The following AJAP1 variants were observed in gnomAD, a reference collection of about 807,000 sequenced individuals.
AJAP1 encodes the protein adherens junctions associated protein 1.
In AJAP1, 5 loss-of-function variants were observed where a neutral mutation model predicts 35.0. The observed-to-expected ratio is 0.14, with a 90% confidence interval of 0.07 to 0.30. The LOEUF is 0.30. AJAP1 is among the 10% of genes least tolerant of loss of function. AJAP1 has a pLI of 1.00. For synonymous variants in AJAP1, 284 were observed against 249.3 expected (o/e 1.14, Z -1.31); for missense variants, 586 against 571.0 (o/e 1.03, Z -0.27).
chr1:4,746,488 C>T lies in AJAP1; in HGVS notation c.830-23365C>T, dbSNP rs370255990. ...TGATTACTGTAAACATGAGCAATAA[C>T]GGGTGGGACGGGCCCAGCAGAGCAC... On this transcript the variant is annotated intron_variant, in intron 2 of 5. Transcript: ENST00000378191. 1.2e-4 allele frequency among the ~76,000 whole-genome samples: 18 copies of T among 152,156 alleles called. No individual in the cohort carries two copies. In the South Asian group the frequency reaches 2.9e-3, roughly 25 times the overall value.
At chr1:4,743,546 T>TCATC (rs1329476455) in intron 2 of AJAP1, among the ~76,000 whole-genome samples, 2 of 152,172 alleles carry the variant, frequency 1.3e-5, no homozygotes, top group African/African-American at 2.4e-5. Flanking sequence ...GTTCATTCAT[T>TCATC]CATCCATCCA....
intron 3 of AJAP1, among the ~76,000 whole-genome samples, chr1:4,770,695 T>A (rs1323909352): frequency 7.0e-6 from 1 of 142,102 alleles, no homozygotes; most frequent in Non-Finnish European, 1.6e-5. Flanking sequence ...GCCATATGAA[T>A]CAGACAAGGC....
At position 4,728,289 on chromosome 1, in the gene AJAP1, C is replaced by T. The variant is rs111227021; in HGVS notation, c.829+15590C>T. On this transcript the variant is annotated intron_variant, in intron 2 of 5. Coordinates refer to ENST00000378191, the MANE Select transcript of AJAP1 (RefSeq NM_018836.4). ...CTTGGAGAGGAGCCCTGGGCCCCAG[C>T]GGACCCTGGCTGAGCACGGGGCCCT... is the stretch of plus-strand genomic sequence containing the variant. Among the ~76,000 whole-genome samples the T allele has an allele frequency of 7.2e-5, 11 of 152,218 alleles. No individual in the cohort carries two copies. In the South Asian group the frequency reaches 8.3e-4, roughly 11 times the overall value.
intron 2 of AJAP1, among the ~76,000 whole-genome samples, chr1:4,759,205 C>T (rs1641509826): frequency 6.6e-6 from 1 of 152,144 alleles, no homozygotes; most frequent in South Asian, 2.1e-4. Flanking sequence ...TAGACCTGCT[C>T]CTCTTAGATG....
chr1:4,669,161 C>T (rs1338017717), intron 1 of AJAP1, among the ~76,000 whole-genome samples: 1 of 152,166 alleles, frequency 6.6e-6, no homozygotes, highest in African/African-American at 2.4e-5. Context: ...TTCTTTAGTT[C>T]CAAGACCTTT....
intron 2 of AJAP1, among the ~76,000 whole-genome samples, chr1:4,761,355 G>C (rs1439161597): frequency 2.0e-5 from 3 of 152,168 alleles, no homozygotes; most frequent in African/African-American, 4.8e-5. Flanking sequence ...AGTCCCGTCT[G>C]TAACACTCTG....
At chr1:4,708,206 T>A (rs1446082042) in intron 1 of AJAP1, among the ~76,000 whole-genome samples, 1 of 152,034 alleles carries the variant, frequency 6.6e-6, no homozygotes, top group East Asian at 1.9e-4. Flanking sequence ...GACCTCGTGA[T>A]CCTCCCACCT....
intron 2 of AJAP1, among the ~76,000 whole-genome samples, chr1:4,717,021 G>T (rs1640408304): frequency 6.6e-6 from 1 of 152,196 alleles, no homozygotes; most frequent in Admixed American, 6.5e-5. Context: ...CGTCAGATGG[G>T]TCAGAAGTTA....
intron 1 of AJAP1, among the ~76,000 whole-genome samples, chr1:4,683,518 C>T (rs1463551015): frequency 1.3e-5 from 2 of 152,146 alleles, no homozygotes; most frequent in African/African-American, 2.4e-5. Context: ...TCCACTGGGA[C>T]GTTGATATAT....
At position 4,787,604 on chromosome 1, in the gene AJAP1, CA is replaced by C. The variant is rs1461838191; in HGVS notation, c.*5120del. Reference sequence around the variant, plus strand: ...TCCAGCAAGAGTGGAAGCAGAGGGGCAGGGGCAGGGGCAGGATGAGGGCTGC... The same window carrying C: ...TCCAGCAAGAGTGGAAGCAGAGGGGCGGGGCAGGGGCAGGATGAGGGCTGC... On this transcript the variant is annotated 3_prime_UTR_variant, in exon 6 of 6. Coordinates refer to ENST00000378191, the MANE Select transcript of AJAP1 (RefSeq NM_018836.4). 9.2e-6 allele frequency: 4 copies of C among 435,656 alleles called. No homozygotes were observed. The highest frequency in any genetic ancestry group is 8.6e-5 in the African/African-American group (4 of 46,554). The allele number at this position is 435,656 out of a possible 1,614,324, so 27.0% of individuals were successfully genotyped here.
intron 1 of AJAP1, among the ~76,000 whole-genome samples, chr1:4,708,171 T>C (rs903224992): frequency 2.6e-5 from 4 of 151,928 alleles, no homozygotes; most frequent in African/African-American, 9.7e-5. Context: ...TTTCACCATG[T>C]TGTGCAGGAT....
Position 4,786,847 on chromosome 1 carries a change from T to G in AJAP1, c.*4362T>G, listed in dbSNP as rs1315172472. On this transcript the variant is annotated 3_prime_UTR_variant, in exon 6 of 6. Coordinates refer to ENST00000378191, the MANE Select transcript of AJAP1 (RefSeq NM_018836.4). ...GATGGCACCAGGACACACCTTCTTT[T>G]GTCCACCTGTTGACACCATCACCCT... The G allele has an allele frequency of 6.6e-6, 1 of 152,264 alleles. No homozygotes were observed. Among genetic ancestry groups the G allele is most frequent in the African/African-American group, 2.4e-5 (1 of 41,464 alleles). 9.4% of individuals were successfully genotyped at this position (152,264 alleles called of 1,614,324 possible). A position where few individuals can be genotyped will look rare whatever the true frequency, so the allele number is the denominator to read the frequency against.
Position 4,727,971 on chromosome 1 carries a change from C to T in AJAP1, c.829+15272C>T, listed in dbSNP as rs1049356160. On this transcript the variant is annotated intron_variant, in intron 2 of 5. Transcript: ENST00000378191. ...GCACAGCCCAGCCCCAGGTGGTACA[C>T]GGAGCCTCTGAACAGCAGGGCCCTG... Among the ~76,000 whole-genome samples, 15 of 152,328 alleles carry T rather than the reference C, an allele frequency of 9.8e-5. No homozygotes were observed. In the South Asian group the frequency reaches 2.9e-3, roughly 29 times the overall value.
intron 1 of AJAP1, among the ~76,000 whole-genome samples, chr1:4,710,201 C>T (rs543895414): frequency 2.0e-5 from 3 of 152,188 alleles, no homozygotes; most frequent in African/African-American, 7.2e-5. Flanking sequence ...CAGATACACT[C>T]ATACACACTG....
chr1:4,669,751 T>C (rs550714359), intron 1 of AJAP1, among the ~76,000 whole-genome samples: 1 of 152,302 alleles, frequency 6.6e-6, no homozygotes, highest in South Asian at 2.1e-4. Flanking sequence ...AGTACTTCAC[T>C]CCTTTTTATG....
chr1:4,729,006 C>T (rs553565535), intron 2 of AJAP1, among the ~76,000 whole-genome samples: 34 of 152,284 alleles, frequency 2.2e-4, no homozygotes, highest in Admixed American at 1.6e-3. Context: ...ACCCCGAGGA[C>T]GCTGCCCACT....
chr1:4,758,862 G>A (rs3753717), intron 2 of AJAP1, among the ~76,000 whole-genome samples: 2,545 of 152,250 alleles, frequency 0.017, 65 homozygotes, highest in South Asian at 0.12. Flanking sequence ...AGTCCCAGAC[G>A]CTGCTCTTCC....
At chr1:4,686,021 C>T (rs1639596542) in intron 1 of AJAP1, among the ~76,000 whole-genome samples, 2 of 152,218 alleles carry the variant, frequency 1.3e-5, no homozygotes, top group South Asian at 4.1e-4. Flanking sequence ...GCAAGTAAAT[C>T]CAAACTGCAG....
rs1277872535 is a variant in AJAP1 at position 4,723,350 on chromosome 1, C to T, written c.829+10651C>T. ...CTGCCACTCGGGGGCTGGTGCAGCC[C>T]GGAGTAGAAGCTCAGCGGAGCCTCG... On this transcript the variant is annotated intron_variant, in intron 2 of 5. Transcript: ENST00000378191. The surrounding 1 kb of genome is among the most constrained non-coding windows in gnomAD (Gnocchi z 4.3). 6.6e-6 allele frequency among the ~76,000 whole-genome samples: 1 copy of T among 152,122 alleles called. No homozygotes were observed. Among genetic ancestry groups the T allele is most frequent in the African/African-American group, 2.4e-5 (1 of 41,440 alleles).
Sources: gnomAD v4.1 joint callset for allele counts (sites outside exome capture counted in the v4.1 genomes callset) on GRCh38, gnomAD v4.1.1 for gene constraint, Gnocchi (gnomAD v3.1) non-coding constraint, MANE v1.5 for transcripts, NCBI Gene and HGNC (gene_info 2026-07-23, HGNC 2026-07-21) for gene names.